The following CPNE4 variants were observed in gnomAD, a reference collection of about 807,000 sequenced individuals.
CPNE4 encodes the protein copine 4.
In CPNE4, 25 loss-of-function variants were observed where a neutral mutation model predicts 67.9. That is an observed-to-expected ratio of 0.37 (90% CI 0.27 to 0.51). The LOEUF (loss-of-function observed/expected upper bound fraction) is 0.51, where lower values mean the gene tolerates loss of function less well. Among genes scored for constraint, CPNE4 ranks in the 20% least tolerant of loss-of-function variants. CPNE4 has a pLI of 0.93. For synonymous variants in CPNE4, 242 were observed against 244.9 expected (o/e 0.99, Z 0.11); for missense variants, 464 against 690.8 (o/e 0.67, Z 3.68).
intron 8 of CPNE4, among the ~76,000 whole-genome samples, chr3:131,587,047 C>A (rs546615517): frequency 1.0e-3 from 158 of 152,226 alleles, no homozygotes; most frequent in Non-Finnish European, 2.0e-3. Flanking sequence ...CTGTTAATAG[C>A]AGATATTTTG....
intron 2 of CPNE4, among the ~76,000 whole-genome samples, chr3:131,902,416 AT>A (rs1332321470): frequency 1.3e-5 from 2 of 152,126 alleles, no homozygotes; most frequent in African/African-American, 4.8e-5. Context: ...ACTTAACAGA[AT>A]CTATTGTAGG....
chr3:131,653,312 T>A (rs1236878708), intron 7 of CPNE4, among the ~76,000 whole-genome samples: 1 of 146,538 alleles, frequency 6.8e-6, no homozygotes, highest in South Asian at 2.2e-4. Flanking sequence ...GCCTGGCTAA[T>A]TTTTTTGTAT....
chr3:131,667,779 C>T (rs2080302864), intron 7 of CPNE4, among the ~76,000 whole-genome samples: 1 of 152,074 alleles, frequency 6.6e-6, no homozygotes, highest in African/African-American at 2.4e-5. Flanking sequence ...TGTTCCTTTT[C>T]TGCATTTTTA....
chr3:132,025,288 G>A (rs2074094693), intron 1 of CPNE4, among the ~76,000 whole-genome samples: 1 of 152,308 alleles, frequency 6.6e-6, no homozygotes, highest in East Asian at 1.9e-4. Flanking sequence ...GGTCTTGTAG[G>A]GTGGAATGAT....
rs151045522 is a variant in CPNE4 at position 131,638,812 on chromosome 3, T to C, written c.681+30863A>G. ...TAAATTTAAGAAAATCAAAATTATA[T>C]CAAGTACTCTCTCAGACCACAATGG... On this transcript the variant is annotated intron_variant, in intron 7 of 15. Coordinates refer to ENST00000429747, the MANE Select transcript of CPNE4 (RefSeq NM_130808.3). Among the ~76,000 whole-genome samples, 1,346 of 152,112 alleles carry C rather than the reference T, an allele frequency of 8.8e-3. 10 individuals are homozygous for C. The highest frequency in any genetic ancestry group is 0.013 in the Non-Finnish European group (914 of 67,962).
intron 2 of CPNE4, among the ~76,000 whole-genome samples, chr3:131,842,732 A>T (rs1398510478): frequency 7.2e-5 from 1 of 13,952 alleles, no homozygotes; most frequent in Non-Finnish European, 3.7e-4. Flanking sequence ...TTCTGTTGTA[A>T]AAAAAAAAAA....
chr3:131,804,068 C>A (rs1258941701), intron 2 of CPNE4, among the ~76,000 whole-genome samples: 1 of 152,180 alleles, frequency 6.6e-6, no homozygotes. Flanking sequence ...CTAATACACA[C>A]AAATCATTAT....
intron 7 of CPNE4, among the ~76,000 whole-genome samples, chr3:131,640,012 G>A (rs141531504): frequency 1.3e-5 from 2 of 151,916 alleles, no homozygotes; most frequent in Non-Finnish European, 2.9e-5. Context: ...CACATCTTAA[G>A]GTAATAAAAG....
chr3:131,830,294 C>T lies in CPNE4; in HGVS notation c.180+74970G>A, dbSNP rs79814536. Among the ~76,000 whole-genome samples, 1,020 of 152,282 alleles carry T rather than the reference C, an allele frequency of 6.7e-3. 9 individuals carry two copies. Among genetic ancestry groups the T allele is most frequent in the African/African-American group, 0.023 (957 of 41,570 alleles). On this transcript the variant is annotated intron_variant, in intron 2 of 15. Coordinates refer to ENST00000429747, the MANE Select transcript of CPNE4 (RefSeq NM_130808.3). ...CCTCCACCTTGGTCCAAGTTACTCT[C>T]ATCTCTTGCCTGTATTATTATAATG... is the stretch of plus-strand genomic sequence containing the variant.
At chr3:131,612,365 C>T (rs1206849600) in intron 7 of CPNE4, among the ~76,000 whole-genome samples, 1 of 151,792 alleles carries the variant, frequency 6.6e-6, no homozygotes. Flanking sequence ...CAGAGTGGGA[C>T]TGTGTGTCAA....
chr3:131,910,179 G>C (rs2088924776), intron 1 of CPNE4, among the ~76,000 whole-genome samples: 1 of 152,088 alleles, frequency 6.6e-6, no homozygotes. Flanking sequence ...TTGACTGCCA[G>C]CACACTGTTG....
chr3:131,625,459 T>C (rs777783544), intron 7 of CPNE4, among the ~76,000 whole-genome samples: 11 of 152,158 alleles, frequency 7.2e-5, no homozygotes, highest in Non-Finnish European at 1.3e-4. Flanking sequence ...TTCTGAGACA[T>C]TATAGATTTA....
chr3:131,575,698 C>T (rs1937532628), intron 9 of CPNE4, among the ~76,000 whole-genome samples: 1 of 152,072 alleles, frequency 6.6e-6, no homozygotes, highest in Non-Finnish European at 1.5e-5. Flanking sequence ...TCAGAACAAT[C>T]CTATGAAGGT....
At chr3:131,859,093 GA>G (rs1394973652) in intron 2 of CPNE4, among the ~76,000 whole-genome samples, 1 of 152,060 alleles carries the variant, frequency 6.6e-6, no homozygotes, top group Non-Finnish European at 1.5e-5. Flanking sequence ...ACTTATAAAG[GA>G]CATGTTTACA....
chr3:131,565,900 G>A (rs372245863), intron 10 of CPNE4, among the ~76,000 whole-genome samples: 2 of 151,452 alleles, frequency 1.3e-5, no homozygotes, highest in East Asian at 3.9e-4. Flanking sequence ...GGATAACAAA[G>A]GAAAGAAGAG....
At chr3:131,657,692 G>T (rs988738472) in intron 7 of CPNE4, among the ~76,000 whole-genome samples, 1 of 139,800 alleles carries the variant, frequency 7.2e-6, no homozygotes, top group Non-Finnish European at 1.5e-5. Context: ...GTGCCACCAC[G>T]TCCAGCTAAT....
chr3:132,015,485 C>T (rs1399744654), intron 1 of CPNE4, among the ~76,000 whole-genome samples: 2 of 149,822 alleles, frequency 1.3e-5, no homozygotes, highest in African/African-American at 5.0e-5. Flanking sequence ...GAAAAAGAGT[C>T]CTCTCTTCTA....
At chr3:131,986,969 C>T (rs1379437829) in intron 1 of CPNE4, among the ~76,000 whole-genome samples, 2 of 151,656 alleles carry the variant, frequency 1.3e-5, no homozygotes, top group African/African-American at 4.8e-5. Context: ...TCCTGATGTC[C>T]AGTCCTCACT....
intron 7 of CPNE4, among the ~76,000 whole-genome samples, chr3:131,633,920 A>G (rs1183131761): frequency 6.6e-6 from 1 of 152,142 alleles, no homozygotes; most frequent in Non-Finnish European, 1.5e-5. Context: ...CATTATTTAA[A>G]TTGTTCTACT....
Sources: gnomAD v4.1 joint callset for allele counts (sites outside exome capture counted in the v4.1 genomes callset) on GRCh38, gnomAD v4.1.1 for gene constraint, MANE v1.5 for transcripts, NCBI Gene and HGNC (gene_info 2026-07-23, HGNC 2026-07-21) for gene names.